SLIT3: variants seen among roughly 807,000 people sequenced by gnomAD.
SLIT3 encodes slit guidance ligand 3.
In SLIT3, 68 loss-of-function variants were observed where a neutral mutation model predicts 184.0. The ratio of observed to expected loss-of-function variants is 0.37; its 90% confidence interval spans 0.30 to 0.45. SLIT3 has a LOEUF of 0.45. Among genes scored for constraint, SLIT3 ranks in the 20% least tolerant of loss-of-function variants. The pLI, the probability that SLIT3 is intolerant of heterozygous loss-of-function variation, is 1.00. For synonymous variants in SLIT3, 831 were observed against 828.6 expected (o/e 1.00, Z -0.05); for missense variants, 1,707 against 2,026.0 (o/e 0.84, Z 3.02).
chr5:169,131,318 C>T (rs539818393), intron 4 of SLIT3, among the ~76,000 whole-genome samples: 50 of 152,298 alleles, frequency 3.3e-4, no homozygotes, highest in Non-Finnish European at 6.2e-4. Context: ...GCATCAATAT[C>T]ATCTGGGAAC....
At chr5:168,863,952 C>T (rs1209976019) in intron 5 of SLIT3, among the ~76,000 whole-genome samples, 1 of 151,616 alleles carries the variant, frequency 6.6e-6, no homozygotes, top group Non-Finnish European at 1.5e-5. Flanking sequence ...GGTGCGGTAG[C>T]TCATGCCTGT....
intron 29 of SLIT3, among the ~76,000 whole-genome samples, chr5:168,691,845 G>GT (rs538554990): frequency 7.9e-5 from 12 of 152,202 alleles, no homozygotes; most frequent in Non-Finnish European, 1.5e-4. Flanking sequence ...AAAACCCCCA[G>GT]TCTCAAGGGT....
rs1234771696 is a variant in SLIT3 at position 169,286,922 on chromosome 5, CTGAATATGGCT to C, written c.197+13580_197+13590del. The stretch of plus-strand genomic sequence containing the variant: ...TAAAGACGGGAAGAGAGCTTCCTGA[CTGAATATGGCT>C]TGAATCAGCATGCAGCTCCAGTCAG... On this transcript the variant is annotated intron_variant, in intron 1 of 35. Coordinates refer to ENST00000519560, the MANE Select transcript of SLIT3 (RefSeq NM_003062.4). Among the ~76,000 whole-genome samples, 40 of 152,306 alleles carry C rather than the reference CTGAATATGGCT, an allele frequency of 2.6e-4. 1 individual carries two copies. The highest frequency in any genetic ancestry group is 1.0e-3 in the South Asian group (5 of 4,818).
chr5:168,691,555 G>C (rs1051978966), intron 29 of SLIT3, among the ~76,000 whole-genome samples: 1 of 152,200 alleles, frequency 6.6e-6, no homozygotes, highest in Non-Finnish European at 1.5e-5. Flanking sequence ...TCTCCTTAAA[G>C]ACTCATCAGC....
intron 4 of SLIT3, among the ~76,000 whole-genome samples, chr5:169,025,245 C>T (rs1756771029): frequency 6.6e-6 from 1 of 152,090 alleles, no homozygotes; most frequent in East Asian, 1.9e-4. Context: ...CACTATTATT[C>T]AAGGAAGGAA....
intron 3 of SLIT3, among the ~76,000 whole-genome samples, chr5:169,224,977 T>C (rs1208030751): frequency 1.3e-5 from 2 of 152,152 alleles, no homozygotes; most frequent in East Asian, 3.9e-4. Flanking sequence ...AGCCCCCACG[T>C]TTGGCCCATT....
intron 4 of SLIT3, among the ~76,000 whole-genome samples, chr5:169,047,609 C>T (rs1307794387): frequency 6.6e-6 from 1 of 151,902 alleles, no homozygotes; most frequent in Non-Finnish European, 1.5e-5. Context: ...TTATGTCCAT[C>T]ATCTCCCATG....
intron 6 of SLIT3, among the ~76,000 whole-genome samples, chr5:168,843,045 C>A (rs540684697): frequency 6.6e-6 from 1 of 152,280 alleles, no homozygotes; most frequent in African/African-American, 2.4e-5. Context: ...GCATTTGTTG[C>A]CAGTTCCAGG....
chr5:169,012,842 T>C (rs952460196), intron 4 of SLIT3: 2 of 152,240 alleles, frequency 1.3e-5, no homozygotes, highest in African/African-American at 4.8e-5. Context: ...CAGTCAGACC[T>C]GGGATGAACC....
In SLIT3 at chr5:168,769,842, G is replaced by T. The variant is rs573127771; in HGVS notation, c.1459+2939C>A. 7.2e-5 allele frequency among the ~76,000 whole-genome samples: 11 copies of T among 152,244 alleles called. No individual in the cohort carries two copies. In the East Asian group the frequency reaches 2.1e-3, roughly 29 times the overall value. On this transcript the variant is annotated intron_variant, in intron 14 of 35. Coordinates refer to ENST00000519560, the MANE Select transcript of SLIT3 (RefSeq NM_003062.4). The stretch of plus-strand genomic sequence containing the variant: ...TCAGAAGTCCTGGGTTTCAGATCTT[G>T]CCCTAAAAATAATACTCAATACCTT...
In SLIT3 at chr5:169,089,717, T is replaced by A. The variant is rs552964432; in HGVS notation, c.413+103762A>T. 1.6e-4 allele frequency among the ~76,000 whole-genome samples: 24 copies of A among 152,362 alleles called. 2 individuals carry two copies. In the South Asian group the frequency reaches 5.0e-3, roughly 32 times the overall value. Reference sequence around the variant, plus strand: ...GCCCTAAGGACCCTCCATCCTGGACTGGAAGTCCCATCACTGTACTTCTCT... The same window carrying A: ...GCCCTAAGGACCCTCCATCCTGGACAGGAAGTCCCATCACTGTACTTCTCT... On this transcript the variant is annotated intron_variant, in intron 4 of 35. Transcript: ENST00000519560.
chr5:168,681,098 G>T (rs1454908822), intron 32 of SLIT3, among the ~76,000 whole-genome samples: 1 of 152,218 alleles, frequency 6.6e-6, no homozygotes, highest in Non-Finnish European at 1.5e-5. Context: ...GCAGGGAGCT[G>T]TGATCATGCC....
intron 20 of SLIT3, among the ~76,000 whole-genome samples, chr5:168,742,195 G>A (rs1441334511): frequency 9.3e-5 from 13 of 139,444 alleles, no homozygotes; most frequent in Non-Finnish European, 1.4e-4. Context: ...AAGAGATGCT[G>A]CTGAGTAGCC....
intron 4 of SLIT3, among the ~76,000 whole-genome samples, chr5:168,891,167 A>G (rs948161118): frequency 2.0e-5 from 3 of 152,214 alleles, no homozygotes; most frequent in African/African-American, 7.2e-5. Context: ...TAAATGTTAA[A>G]GTCTAATTTT....
chr5:169,096,202 T>C, intron 4 of SLIT3, among the ~76,000 whole-genome samples: 1 of 152,262 alleles, frequency 6.6e-6, no homozygotes. Flanking sequence ...GTAGATAGAA[T>C]GCATTCTTCT....
chr5:169,015,981 CACACAA>C (rs745631944), intron 4 of SLIT3, among the ~76,000 whole-genome samples: 4,680 of 92,562 alleles, frequency 0.051, 153 homozygotes, highest in East Asian at 0.29. Flanking sequence ...CACACACACA[CACACAA>C]CTTTCTGTCT....
At chr5:168,798,603 T>G (rs532059394) in intron 9 of SLIT3, among the ~76,000 whole-genome samples, 2 of 152,238 alleles carry the variant, frequency 1.3e-5, no homozygotes, top group South Asian at 4.1e-4. Context: ...CAGCCCCTCC[T>G]GGAGTGCCAA....
intron 4 of SLIT3, among the ~76,000 whole-genome samples, chr5:168,919,440 G>A (rs1761559933): frequency 6.6e-6 from 1 of 151,994 alleles, no homozygotes; most frequent in African/African-American, 2.4e-5. Flanking sequence ...AAATAATTAT[G>A]TTTTGAGATG....
intron 4 of SLIT3, among the ~76,000 whole-genome samples, chr5:168,932,674 A>C (rs562517456): frequency 6.6e-6 from 1 of 152,292 alleles, no homozygotes; most frequent in Admixed American, 6.5e-5. Flanking sequence ...CAGCAACTCC[A>C]TATCCTAGCT....
Sources: gnomAD v4.1 joint callset for allele counts (sites outside exome capture counted in the v4.1 genomes callset) on GRCh38, gnomAD v4.1.1 for gene constraint, MANE v1.5 for transcripts, NCBI Gene and HGNC (gene_info 2026-07-23, HGNC 2026-07-21) for gene names.